UNC13C: variants seen among roughly 807,000 people sequenced by gnomAD.
UNC13C encodes the protein unc-13 homolog C.
A neutral mutation model predicts 245.4 loss-of-function variants in UNC13C; 174 were observed. That is an observed-to-expected ratio of 0.71 (90% CI 0.63 to 0.80). The LOEUF (loss-of-function observed/expected upper bound fraction) is 0.80. Among genes scored for constraint, UNC13C ranks in the 30% least tolerant of loss-of-function variants. UNC13C has a pLI of 0.00. For missense variants in UNC13C, 2,829 were observed against 2,602.9 expected, an observed-to-expected ratio of 1.09 and a Z score of -1.89; for synonymous variants, 992 against 895.1, an observed-to-expected ratio of 1.11 and a Z score of -1.93.
chr15:53,864,934 C>T, the UNC13C span, among the ~76,000 whole-genome samples: 1 of 152,066 alleles, frequency 6.6e-6, no homozygotes, highest in South Asian at 2.1e-4. Flanking sequence ...GTAGTAAGTA[C>T]AAAAGGGCAT....
At chr15:54,348,631 A>G (rs2038913858) in intron 17 of UNC13C, among the ~76,000 whole-genome samples, 1 of 152,204 alleles carries the variant, frequency 6.6e-6, no homozygotes, top group South Asian at 2.1e-4. Context: ...ACCTGAATTT[A>G]AATGTGGAAA....
chr15:54,420,500 G>A (rs1164814576), intron 19 of UNC13C, among the ~76,000 whole-genome samples: 2 of 151,738 alleles, frequency 1.3e-5, no homozygotes, highest in African/African-American at 2.4e-5. Context: ...TGTTCAGTGT[G>A]GGAGAGAGTA....
At chr15:54,431,651 G>A (rs781654288) in intron 19 of UNC13C, among the ~76,000 whole-genome samples, 8 of 151,546 alleles carry the variant, frequency 5.3e-5, no homozygotes, top group Non-Finnish European at 8.9e-5. Context: ...CAAGACTGTT[G>A]GTTATACATT....
intron 26 of UNC13C, among the ~76,000 whole-genome samples, chr15:54,535,246 TAACA>T (rs1272479472): frequency 2.6e-5 from 4 of 152,000 alleles, no homozygotes; most frequent in Non-Finnish European, 5.9e-5. Context: ...AATAGGCTTT[TAACA>T]AACAATGATC....
intron 19 of UNC13C, among the ~76,000 whole-genome samples, chr15:54,446,596 G>C (rs1223300698): frequency 6.6e-6 from 1 of 151,820 alleles, no homozygotes; most frequent in East Asian, 1.9e-4. Context: ...CTCTCTGCCT[G>C]TTATTGGTGT....
chr15:53,948,867 G>A, the UNC13C span, among the ~76,000 whole-genome samples: 1 of 152,056 alleles, frequency 6.6e-6, no homozygotes, highest in Non-Finnish European at 1.5e-5. Flanking sequence ...GCAGAAGAAT[G>A]AGAAATGAAG....
At chr15:53,888,672 T>C in the UNC13C span, among the ~76,000 whole-genome samples, 20 of 152,354 alleles carry the variant, frequency 1.3e-4, no homozygotes, top group Non-Finnish European at 2.5e-4. Flanking sequence ...CTGTGGTTTT[T>C]ATGGTTTTAG....
At chr15:54,038,337 G>A (rs1896678028) in intron 2 of UNC13C, among the ~76,000 whole-genome samples, 1 of 151,136 alleles carries the variant, frequency 6.6e-6, no homozygotes, top group Non-Finnish European at 1.5e-5. Context: ...TCACCATGTT[G>A]GCTGGGCTGG....
the UNC13C span, among the ~76,000 whole-genome samples, chr15:53,946,353 T>C: frequency 2.6e-5 from 4 of 152,266 alleles, no homozygotes; most frequent in East Asian, 5.8e-4. Context: ...CTATTCTGTA[T>C]GTCAGTATGA....
rs1406112109 is a variant in UNC13C at position 54,585,046 on chromosome 15, T to C, written c.6106+17099T>C. On this transcript the variant is annotated intron_variant, in intron 30 of 32. Coordinates refer to ENST00000260323, the MANE Select transcript of UNC13C (RefSeq NM_001080534.3). ...CCAGACTACCATTGGTTATCCGATA[T>C]GGGCAGCAGAATTAAGAGGTAATGA... Among the ~76,000 whole-genome samples the C allele has an allele frequency of 2.6e-5, 4 of 152,218 alleles. No individual in the cohort carries two copies. In the East Asian group the frequency reaches 7.7e-4, roughly 29 times the overall value.
chr15:54,031,515 A>G (rs1267832033), intron 2 of UNC13C, among the ~76,000 whole-genome samples: 1 of 152,176 alleles, frequency 6.6e-6, no homozygotes, highest in Non-Finnish European at 1.5e-5. Context: ...TAGCAACTGA[A>G]CACACATCAG....
chr15:54,495,021 C>G (rs1893887746), intron 20 of UNC13C, among the ~76,000 whole-genome samples: 1 of 151,794 alleles, frequency 6.6e-6, no homozygotes, highest in Non-Finnish European at 1.5e-5. Context: ...TGTAAAAATA[C>G]CAGAACACAG....
chr15:54,180,279 T>C (rs1181142266), intron 4 of UNC13C, among the ~76,000 whole-genome samples: 1 of 152,038 alleles, frequency 6.6e-6, no homozygotes, highest in East Asian at 1.9e-4. Context: ...TCCTGGACTA[T>C]TTTGCTTAGG....
chr15:53,932,302 T>C, the UNC13C span, among the ~76,000 whole-genome samples: 1 of 115,786 alleles, frequency 8.6e-6, no homozygotes, highest in South Asian at 3.1e-4. Flanking sequence ...TGAGACTCCA[T>C]CTCAAAAATC....
At chr15:54,602,910 G>A (rs557502403) in intron 30 of UNC13C, among the ~76,000 whole-genome samples, 1 of 9,552 alleles carries the variant, frequency 1.0e-4, no homozygotes, top group African/African-American at 4.5e-3. Flanking sequence ...ATCCTTCTGT[G>A]TTCCTGCAAG....
intron 23 of UNC13C, among the ~76,000 whole-genome samples, chr15:54,511,057 T>C: frequency 6.6e-6 from 1 of 152,000 alleles, no homozygotes; most frequent in East Asian, 1.9e-4. Context: ...AGTTTGTGAG[T>C]AAGAAAAGCA....
intron 2 of UNC13C, among the ~76,000 whole-genome samples, chr15:54,126,774 T>G (rs140925794): frequency 0.013 from 2,045 of 152,058 alleles, 54 homozygotes; most frequent in African/African-American, 0.047. Context: ...GAACAGGCAA[T>G]CTGCAAAATG....
intron 16 of UNC13C, 110 bp downstream of exon 16, chr15:54,333,966 G>A (rs937735300): frequency 2.8e-6 from 2 of 726,160 alleles, no homozygotes; most frequent in Non-Finnish European, 4.7e-6. Flanking sequence ...TAACTCCATC[G>A]ATTAAGCTGT....
At chr15:53,935,040 G>A in the UNC13C span, among the ~76,000 whole-genome samples, 1 of 152,118 alleles carries the variant, frequency 6.6e-6, no homozygotes, top group Non-Finnish European at 1.5e-5. Context: ...AGGATGCAGA[G>A]ATGAGAAGAG....
Sources: allele counts gnomAD v4.1 joint callset (sites outside exome capture counted in the v4.1 genomes callset), GRCh38; gene constraint gnomAD v4.1.1; transcripts MANE v1.5; gene names NCBI Gene and HGNC (gene_info 2026-07-23, HGNC 2026-07-21).